The following LEKR1 variants were observed in gnomAD, a reference collection of about 807,000 sequenced individuals.
The protein encoded by LEKR1 is leucine, glutamate and lysine rich 1.
LEKR1 carries 59 observed loss-of-function variants against 72.4 expected under a neutral mutation model. The observed-to-expected ratio is 0.82, with a 90% CI of 0.66 to 1.01. The LOEUF is 1.01. LEKR1 is among the 50% of genes least tolerant of loss of function. The pLI is 0.00. For synonymous variants in LEKR1, 257 were observed against 263.2 expected, an observed-to-expected ratio of 0.98 and a Z score of 0.23; for missense variants, 728 against 759.2, an observed-to-expected ratio of 0.96 and a Z score of 0.48.
At chr3:157,031,669 T>A (rs945645938) in intron 12 of LEKR1, among the ~76,000 whole-genome samples, 3 of 152,116 alleles carry the variant, frequency 2.0e-5, no homozygotes, top group African/African-American at 7.2e-5. Flanking sequence ...CACTTGAAAT[T>A]TCTCAGATTC....
chr3:156,970,146 C>T (rs1729025980), intron 6 of LEKR1, among the ~76,000 whole-genome samples: 2 of 152,164 alleles, frequency 1.3e-5, no homozygotes, highest in African/African-American at 4.8e-5. Context: ...CTATCTATGA[C>T]AAACCCACAG....
intron 2 of LEKR1, chr3:156,852,115 C>T (rs2108537639): frequency 6.6e-6 from 1 of 152,268 alleles, no homozygotes; most frequent in East Asian, 1.9e-4. Context: ...GTTTTAATCC[C>T]AGCTTCTCCG....
chr3:156,848,821 T>C (rs1714953940), intron 2 of LEKR1, among the ~76,000 whole-genome samples: 1 of 152,198 alleles, frequency 6.6e-6, no homozygotes, highest in Non-Finnish European at 1.5e-5. Flanking sequence ...ATTTCCTGGA[T>C]ACCAGTGGCA....
At chr3:156,860,446 C>T (rs1716637764) in intron 3 of LEKR1, among the ~76,000 whole-genome samples, 1 of 152,084 alleles carries the variant, frequency 6.6e-6, no homozygotes, top group African/African-American at 2.4e-5. Flanking sequence ...GCAATTATCT[C>T]ATGTTAGGTG....
chr3:156,899,996 T>C (rs1365765064), intron 3 of LEKR1, among the ~76,000 whole-genome samples: 2 of 152,084 alleles, frequency 1.3e-5, no homozygotes, highest in Non-Finnish European at 2.9e-5. Flanking sequence ...AAATGGGGTT[T>C]AAAAGGATTA....
chr3:156,896,627 T>C (rs1377261873), intron 3 of LEKR1, among the ~76,000 whole-genome samples: 1 of 152,216 alleles, frequency 6.6e-6, no homozygotes, highest in Non-Finnish European at 1.5e-5. Context: ...GTTCAGCCAC[T>C]GTGGACAGCA....
At chr3:156,989,148 G>A (rs1053434074) in intron 7 of LEKR1, among the ~76,000 whole-genome samples, 15 of 152,166 alleles carry the variant, frequency 9.9e-5, no homozygotes, top group East Asian at 5.8e-4. Flanking sequence ...ACTGTTTTGC[G>A]AACTTTTTGC....
At chr3:156,934,744 G>C (rs1725542519) in intron 5 of LEKR1, among the ~76,000 whole-genome samples, 1 of 151,994 alleles carries the variant, frequency 6.6e-6, no homozygotes, top group African/African-American at 2.4e-5. Flanking sequence ...GTAATATCAT[G>C]ACACAGAGAT....
intron 2 of LEKR1, among the ~76,000 whole-genome samples, chr3:156,842,545 A>G (rs1714069826): frequency 1.3e-5 from 2 of 152,170 alleles, no homozygotes; most frequent in African/African-American, 4.8e-5. Context: ...ATGGAAACAG[A>G]TGGCTGGTAA....
chr3:156,843,379 G>A (rs1034707218), intron 2 of LEKR1, among the ~76,000 whole-genome samples: 3 of 152,160 alleles, frequency 2.0e-5, no homozygotes, highest in South Asian at 2.1e-4. Context: ...TGCAGAAAGT[G>A]GAACTGATCT....
intron 3 of LEKR1, among the ~76,000 whole-genome samples, chr3:156,876,411 T>G (rs1164313147): frequency 6.6e-6 from 1 of 152,206 alleles, no homozygotes; most frequent in Non-Finnish European, 1.5e-5. Flanking sequence ...AATCTATGGA[T>G]TGCTTTTGGC....
At chr3:156,863,926 A>G (rs1480937240) in intron 3 of LEKR1, among the ~76,000 whole-genome samples, 3 of 152,176 alleles carry the variant, frequency 2.0e-5, no homozygotes, top group African/African-American at 7.2e-5. Context: ...CAACTCAACC[A>G]GGGTTGGTTG....
rs566741562 is a variant in LEKR1 at position 156,966,342 on chromosome 3, C to T, written c.746-12852C>T. ...AAGCAGGGTGAGGCATCGCCTCACCCGGGAAGTGCAAGGAGTCAGGGAATT... is the reference window on the plus strand; with the variant it reads ...AAGCAGGGTGAGGCATCGCCTCACCTGGGAAGTGCAAGGAGTCAGGGAATT... On this transcript the variant is annotated intron_variant, in intron 6 of 12. Transcript: ENST00000356539. 4.5e-3 allele frequency among the ~76,000 whole-genome samples: 688 copies of T among 152,134 alleles called. 2 individuals are homozygous for T. Among genetic ancestry groups the T allele is most frequent in the African/African-American group, 0.016 (657 of 41,502 alleles).
At chr3:156,877,158 T>C (rs1423804877) in intron 3 of LEKR1, among the ~76,000 whole-genome samples, 1 of 152,260 alleles carries the variant, frequency 6.6e-6, no homozygotes, top group Non-Finnish European at 1.5e-5. Context: ...ATCTCTGATA[T>C]GAAACCTAAT....
intron 6 of LEKR1, among the ~76,000 whole-genome samples, chr3:156,963,834 A>G (rs1031053736): frequency 1.3e-5 from 2 of 152,230 alleles, no homozygotes; most frequent in Non-Finnish European, 2.9e-5. Flanking sequence ...TGATTCCAGA[A>G]CTTTACTACC....
At chr3:157,032,769 G>T (rs1734705209) in intron 12 of LEKR1, among the ~76,000 whole-genome samples, 1 of 151,990 alleles carries the variant, frequency 6.6e-6, no homozygotes, top group Admixed American at 6.6e-5. Flanking sequence ...GGCATAACTT[G>T]TTTTATTGCA....
At chr3:156,916,442 T>A (rs536150998) in intron 3 of LEKR1, among the ~76,000 whole-genome samples, 1 of 152,118 alleles carries the variant, frequency 6.6e-6, no homozygotes, top group Non-Finnish European at 1.5e-5. Context: ...CTTTGACCAG[T>A]GTTTTATAAT....
intron 6 of LEKR1, among the ~76,000 whole-genome samples, chr3:156,960,923 C>T (rs919345273): frequency 6.6e-6 from 1 of 152,192 alleles, no homozygotes; most frequent in Non-Finnish European, 1.5e-5. Context: ...TTCCAAAATG[C>T]ACAATTTATC....
In LEKR1 at chr3:156,989,334, T is replaced by G. The variant is rs1384467857; in HGVS notation, c.828-3319T>G. 2.0e-5 allele frequency among the ~76,000 whole-genome samples: 3 copies of G among 152,236 alleles called. No individual in the cohort carries two copies. In the South Asian group the frequency reaches 6.2e-4, roughly 32 times the overall value. ...AAGGCACTTGGAAAATTCACGTAGC[T>G]AAGTCTATTCACACACAGTTATTTC... On this transcript the variant is annotated intron_variant, in intron 7 of 12. Coordinates refer to ENST00000356539, the MANE Select transcript of LEKR1 (RefSeq NM_001004316.3).
Sources: gnomAD v4.1 joint callset for allele counts (sites outside exome capture counted in the v4.1 genomes callset) on GRCh38, gnomAD v4.1.1 for gene constraint, MANE v1.5 for transcripts, NCBI Gene and HGNC (gene_info 2026-07-23, HGNC 2026-07-21) for gene names.